The following FOXN3 variants were observed in gnomAD, a reference collection of about 807,000 sequenced individuals.
FOXN3 encodes the protein forkhead box protein N3.
In FOXN3, 7 loss-of-function variants were observed where a neutral mutation model predicts 38.4. That is an observed-to-expected ratio of 0.18 (90% CI 0.10 to 0.34). The LOEUF (loss-of-function observed/expected upper bound fraction) is 0.34. Ranked by LOEUF, FOXN3 falls within the 10% of genes least tolerant of loss-of-function variation. The pLI, the probability that FOXN3 is intolerant of heterozygous loss-of-function variation, is 1.00. For synonymous variants in FOXN3, 230 were observed against 242.2 expected, an observed-to-expected ratio of 0.95 and a Z score of 0.47; for missense variants, 456 against 613.4, an observed-to-expected ratio of 0.74 and a Z score of 2.71.
At chr14:89,338,723 T>G (rs571463093) in intron 3 of FOXN3, among the ~76,000 whole-genome samples, 171 of 151,848 alleles carry the variant, frequency 1.1e-3, no homozygotes, top group African/African-American at 3.9e-3. Context: ...AACCTGGGGG[T>G]GGGCAGGGAG....
At chr14:89,509,637 G>A (rs1339618576) in intron 1 of FOXN3, among the ~76,000 whole-genome samples, 1 of 152,168 alleles carries the variant, frequency 6.6e-6, no homozygotes, top group African/African-American at 2.4e-5. Context: ...GCCCAGCATT[G>A]TCCATCTCCC....
chr14:89,322,300 T>C (rs1887919067), intron 3 of FOXN3, among the ~76,000 whole-genome samples: 1 of 152,198 alleles, frequency 6.6e-6, no homozygotes, highest in Admixed American at 6.5e-5. Flanking sequence ...TTCCAACATA[T>C]TTTGTGTGGT....
chr14:89,182,730 T>C (rs1273136640), intron 4 of FOXN3, among the ~76,000 whole-genome samples: 1 of 152,256 alleles, frequency 6.6e-6, no homozygotes, highest in Non-Finnish European at 1.5e-5. Context: ...CAAGATTTCC[T>C]ATAAAGTTAC....
At chr14:89,573,038 G>C (rs1895526249) in intron 1 of FOXN3, among the ~76,000 whole-genome samples, 1 of 152,142 alleles carries the variant, frequency 6.6e-6, no homozygotes, top group South Asian at 2.1e-4. Flanking sequence ...CTGTGGTTTG[G>C]GGAGTTCACC....
intron 3 of FOXN3, among the ~76,000 whole-genome samples, chr14:89,329,975 G>A (rs1406766575): frequency 2.0e-5 from 3 of 148,614 alleles, no homozygotes; most frequent in African/African-American, 7.4e-5. Context: ...ACGGTTTCAA[G>A]ATCATTATCA....
intron 4 of FOXN3, among the ~76,000 whole-genome samples, chr14:89,240,969 C>G (rs1282391184): frequency 6.6e-6 from 1 of 152,164 alleles, no homozygotes; most frequent in Non-Finnish European, 1.5e-5. Context: ...CTCTACGCCT[C>G]ACTCAATACT....
intron 3 of FOXN3, among the ~76,000 whole-genome samples, chr14:89,303,839 G>T (rs1238530329): frequency 1.3e-5 from 2 of 152,228 alleles, no homozygotes; most frequent in Middle Eastern, 3.2e-3. Flanking sequence ...TATTATCAGT[G>T]TATCTACTTT....
intron 3 of FOXN3, among the ~76,000 whole-genome samples, chr14:89,304,241 G>T (rs184590285): frequency 6.8e-4 from 103 of 152,332 alleles, no homozygotes; most frequent in Non-Finnish European, 1.1e-3. Flanking sequence ...CCACTGAAAA[G>T]GGACAGGCTT....
chr14:89,322,398 G>GA (rs1887921853), intron 3 of FOXN3, among the ~76,000 whole-genome samples: 1 of 152,286 alleles, frequency 6.6e-6, no homozygotes, highest in East Asian at 1.9e-4. Context: ...GCATGAAGGG[G>GA]AACAAGAGAG....
At chr14:89,337,518 G>A (rs1019336969) in intron 3 of FOXN3, among the ~76,000 whole-genome samples, 6 of 152,142 alleles carry the variant, frequency 3.9e-5, no homozygotes, top group South Asian at 2.1e-4. Context: ...TGCCAGTTCC[G>A]CAGAAATGTA....
At chr14:89,520,918 T>C (rs1489708720) in intron 1 of FOXN3, among the ~76,000 whole-genome samples, 2 of 152,336 alleles carry the variant, frequency 1.3e-5, no homozygotes, top group South Asian at 2.1e-4. Context: ...CAAAAAATCA[T>C]GCACATGATG....
chr14:89,580,243 A>T (rs1248750186), intron 1 of FOXN3, among the ~76,000 whole-genome samples: 1 of 152,220 alleles, frequency 6.6e-6, no homozygotes, highest in Non-Finnish European at 1.5e-5. Context: ...CATCTCTAAA[A>T]TGGATGAACA....
Position 89,289,345 on chromosome 14 carries a change from C to A in FOXN3, c.681-8331G>T, listed in dbSNP as rs1000710336. On this transcript the variant is annotated intron_variant, in intron 3 of 5. Coordinates refer to ENST00000557258, the MANE Select transcript of FOXN3 (RefSeq NM_005197.4). ...CATGTTCATTTTTGCGACTGGTTAGCAAGTCTGGCAGGCAGAAAAGAAAAA... is the reference window on the plus strand; with the variant it reads ...CATGTTCATTTTTGCGACTGGTTAGAAAGTCTGGCAGGCAGAAAAGAAAAA... Among the ~76,000 whole-genome samples the A allele has an allele frequency of 3.3e-5, 5 of 152,192 alleles. No homozygotes were observed. The East Asian group carries it at 9.7e-4, about 29-fold the overall frequency.
intron 2 of FOXN3, among the ~76,000 whole-genome samples, chr14:89,407,720 T>TC (rs1235060133): frequency 2.0e-5 from 3 of 151,662 alleles, no homozygotes; most frequent in Admixed American, 2.0e-4. Context: ...GTACTTGTAG[T>TC]CCCCCCTTCG....
At chr14:89,174,404 T>G (rs1887467008) in intron 5 of FOXN3, among the ~76,000 whole-genome samples, 1 of 152,130 alleles carries the variant, frequency 6.6e-6, no homozygotes, top group South Asian at 2.1e-4. Context: ...GGGACCACAA[T>G]TTTCTCCCAT....
chr14:89,538,367 G>A (rs1481780294), intron 1 of FOXN3, among the ~76,000 whole-genome samples: 2 of 152,172 alleles, frequency 1.3e-5, no homozygotes, highest in African/African-American at 4.8e-5. Context: ...CCTCTGGGGA[G>A]GAGATAAGAA....
intron 3 of FOXN3, among the ~76,000 whole-genome samples, chr14:89,320,122 T>C (rs1047672729): frequency 6.6e-6 from 1 of 152,374 alleles, no homozygotes; most frequent in African/African-American, 2.4e-5. Context: ...GAGGTTACAG[T>C]ACTTCATTTT....
rs1302208574 is a variant in FOXN3 at position 89,190,327 on chromosome 14, A to G, written c.746-9521T>C. 5 of 1,339,230 alleles carry G rather than the reference A, an allele frequency of 3.7e-6. No homozygotes were observed. In the African/African-American group the frequency reaches 5.8e-5, roughly 16 times the overall value. 83.0% of individuals were successfully genotyped at this position (1,339,230 alleles called of 1,614,324 possible). A position where few individuals can be genotyped will look rare whatever the true frequency, so the allele number is the denominator to read the frequency against. On this transcript the variant is annotated intron_variant, in intron 4 of 5. Coordinates refer to ENST00000557258, the MANE Select transcript of FOXN3 (RefSeq NM_005197.4). ...GTTCTTCCTATGACCTGGTGTATAA[A>G]TGAGAAGGTTAAGTTCACAAACTAT...
At chr14:89,271,263 A>G (rs1886144356) in intron 4 of FOXN3, among the ~76,000 whole-genome samples, 1 of 152,198 alleles carries the variant, frequency 6.6e-6, no homozygotes, top group Non-Finnish European at 1.5e-5. Flanking sequence ...CCTCATTAAA[A>G]TCTCTTGGCA....
Sources: gnomAD v4.1 joint callset for allele counts (sites outside exome capture counted in the v4.1 genomes callset) on GRCh38, gnomAD v4.1.1 for gene constraint, MANE v1.5 for transcripts, NCBI Gene and HGNC (gene_info 2026-07-23, HGNC 2026-07-21) for gene names.